The following RAPGEF5 variants were observed in gnomAD, a reference collection of about 807,000 sequenced individuals.
RAPGEF5 encodes Rap guanine nucleotide exchange factor 5.
In RAPGEF5, 65 loss-of-function variants were observed where a neutral mutation model predicts 125.2. That is an observed-to-expected ratio of 0.52 (90% CI 0.43 to 0.64). The LOEUF is 0.64. Ranked by LOEUF, RAPGEF5 falls within the 30% of genes least tolerant of loss-of-function variation. RAPGEF5 has a pLI of 0.00. For synonymous variants in RAPGEF5, 391 were observed against 385.9 expected, an observed-to-expected ratio of 1.01 and a Z score of -0.16; for missense variants, 958 against 1,048.1, an observed-to-expected ratio of 0.91 and a Z score of 1.19.
At chr7:22,293,690 C>T (rs529662908) in intron 5 of RAPGEF5, among the ~76,000 whole-genome samples, 39 of 152,252 alleles carry the variant, frequency 2.6e-4, no homozygotes, top group Admixed American at 1.2e-3. Context: ...CTAACATGCC[C>T]CATGCCCCGC....
intron 6 of RAPGEF5, among the ~76,000 whole-genome samples, 160 bp from the exon 7 acceptor site, chr7:22,267,172 A>G (rs1461347096): frequency 6.6e-6 from 1 of 152,176 alleles, no homozygotes; most frequent in Non-Finnish European, 1.5e-5. Flanking sequence ...TTTTTAGTAC[A>G]TGGAAAAACC....
At chr7:22,201,369 C>T (rs190978418) in intron 9 of RAPGEF5, among the ~76,000 whole-genome samples, 9 of 152,348 alleles carry the variant, frequency 5.9e-5, no homozygotes, top group Non-Finnish European at 2.9e-5. Flanking sequence ...GGTGAGGACT[C>T]GCTGTCCCAG....
intron 9 of RAPGEF5, chr7:22,194,877 C>T (rs1583471469): frequency 1.8e-5 from 9 of 487,286 alleles, no homozygotes; most frequent in African/African-American, 2.1e-5. Flanking sequence ...GCCTCCAACT[C>T]GGAGCCATGA....
chr7:22,332,413 C>T (rs545186262), intron 1 of RAPGEF5, among the ~76,000 whole-genome samples: 38 of 152,270 alleles, frequency 2.5e-4, no homozygotes, highest in Non-Finnish European at 4.4e-5. Flanking sequence ...TTTATTTTTA[C>T]ATATGTACTT....
intron 7 of RAPGEF5, among the ~76,000 whole-genome samples, chr7:22,247,335 G>A (rs1049492306): frequency 2.0e-5 from 3 of 152,154 alleles, no homozygotes; most frequent in Non-Finnish European, 2.9e-5. Flanking sequence ...CGGTTTTGCT[G>A]CATCCCCACC....
At chr7:22,319,028 T>G (rs1783660797) in intron 1 of RAPGEF5, among the ~76,000 whole-genome samples, 1 of 152,216 alleles carries the variant, frequency 6.6e-6, no homozygotes, top group South Asian at 2.1e-4. Flanking sequence ...ATGAACTTAA[T>G]ATTATTTGCT....
At chr7:22,248,436 A>C (rs1786534511) in intron 7 of RAPGEF5, among the ~76,000 whole-genome samples, 1 of 152,194 alleles carries the variant, frequency 6.6e-6, no homozygotes, top group Non-Finnish European at 1.5e-5. Context: ...CCCGATGTCC[A>C]AACTTCCAGA....
intron 23 of RAPGEF5, among the ~76,000 whole-genome samples, chr7:22,133,394 A>G (rs900556754): frequency 4.6e-5 from 7 of 152,216 alleles, no homozygotes; most frequent in Admixed American, 6.5e-5. Flanking sequence ...TGGGCTGAAA[A>G]AAACGAAGAT....
chr7:22,122,289 T>G lies in RAPGEF5; in HGVS notation c.*117A>C. On this transcript the variant is annotated 3_prime_UTR_variant, in exon 26 of 26. Transcript: ENST00000665637. ...TTTGGCTGGCTTTCCTGTGAATGTC[T>G]TGGGTTATACTGATAAAACTCAGCA... The G allele has an allele frequency of 1.3e-6, 1 of 785,764 alleles. No homozygotes were observed. The highest frequency in any genetic ancestry group is 2.0e-6 in the Non-Finnish European group (1 of 493,426). The allele number at this position is 785,764 out of a possible 1,614,324, so 48.7% of individuals were successfully genotyped here. A position where few individuals can be genotyped will look rare whatever the true frequency, so the allele number is the denominator to read the frequency against.
At chr7:22,149,144 G>T (rs1233520531) in intron 18 of RAPGEF5, among the ~76,000 whole-genome samples, 1 of 152,178 alleles carries the variant, frequency 6.6e-6, no homozygotes, top group African/African-American at 2.4e-5. Context: ...CTCTCGTGGG[G>T]TTACTGGAAG....
At position 22,193,919 on chromosome 7, in the gene RAPGEF5, A is replaced by G. The variant is rs1191723905; in HGVS notation, c.1111T>C (p.Trp371Arg). The change falls in exon 10 of 26, where the codon TGG becomes CGG. Residue 371 changes from tryptophan (W) to arginine (R), a missense_variant. Physicochemically the swap from Trp to Arg is moderately radical, Grantham distance 101. Coordinates refer to ENST00000665637, the MANE Select transcript of RAPGEF5 (RefSeq NM_012294.5). ...APTAGSAESH[W>R]RYVVVSGTPE... The stretch of plus-strand genomic sequence containing the variant: ...TGGCTGCAGGGAAACTCTCACCTCC[A>G]ATGGCTCTCCGCACTCCCAGCTGTG... The G allele has an allele frequency of 6.2e-7, 1 of 1,613,566 alleles. No individual in the cohort carries two copies. Among genetic ancestry groups the G allele is most frequent in the Non-Finnish European group, 8.5e-7 (1 of 1,179,802 alleles).
At chr7:22,238,984 A>T (rs570996660) in intron 7 of RAPGEF5, among the ~76,000 whole-genome samples, 1 of 152,348 alleles carries the variant, frequency 6.6e-6, no homozygotes, top group South Asian at 2.1e-4. Context: ...ACAAACAAAA[A>T]AAAGCAGGAG....
chr7:22,156,882 C>T lies in RAPGEF5; in HGVS notation c.1564G>A (p.Ala522Thr), dbSNP rs1562725110. Residue 522 changes from alanine (A) to threonine (T), a missense_variant, in exon 16 of 26, where the codon GCC becomes ACC. Ala to Thr is a moderately conservative substitution (Grantham distance 58). Transcript: ENST00000665637. ...DEYSPQKKNK[A>T]LFHQFSLKEN... ...TTAAGACTGAATTGGTGGAAAAGGGCTTTATTCTGTGAGATGGGAGAAAGA... is the reference window on the plus strand; with the variant it reads ...TTAAGACTGAATTGGTGGAAAAGGGTTTTATTCTGTGAGATGGGAGAAAGA... The T allele has an allele frequency of 6.2e-7, 1 of 1,613,886 alleles. No homozygotes were observed. The highest frequency in any genetic ancestry group is 8.5e-7 in the Non-Finnish European group (1 of 1,179,836).
intron 7 of RAPGEF5, among the ~76,000 whole-genome samples, chr7:22,241,080 T>A (rs1583509169): frequency 6.6e-6 from 1 of 152,220 alleles, no homozygotes; most frequent in East Asian, 1.9e-4. Context: ...GTCTTTTGAT[T>A]TGCTTTTCAC....
At chr7:22,311,159 A>C (rs1010626006) in intron 3 of RAPGEF5, among the ~76,000 whole-genome samples, 1 of 152,026 alleles carries the variant, frequency 6.6e-6, no homozygotes, top group Non-Finnish European at 1.5e-5. Context: ...CTGAGTAGCT[A>C]GGAGTACAGG....
At position 22,283,372 on chromosome 7, in the gene RAPGEF5, A is replaced by C. The variant is rs568502525; in HGVS notation, c.747+7803T>G. 4.3e-4 allele frequency among the ~76,000 whole-genome samples: 66 copies of C among 152,302 alleles called. No individual in the cohort carries two copies. The East Asian group carries it at 0.013, about 29-fold the overall frequency. ...ATAAAATAACAGAAACTAATTTAAA[A>C]TTTGTCTTATTCCATCACCACCAAA... On this transcript the variant is annotated intron_variant, in intron 6 of 25. Coordinates refer to ENST00000665637, the MANE Select transcript of RAPGEF5 (RefSeq NM_012294.5).
At chr7:22,188,764 CA>C (rs1180031530) in intron 11 of RAPGEF5, among the ~76,000 whole-genome samples, 559 of 51,902 alleles carry the variant, frequency 0.011, 1 homozygote, top group Middle Eastern at 0.022. Flanking sequence ...GACTCCGTCT[CA>C]AAAAAAAAAA....
intron 1 of RAPGEF5, among the ~76,000 whole-genome samples, chr7:22,339,014 A>G (rs889900866): frequency 6.6e-6 from 1 of 152,236 alleles, no homozygotes; most frequent in African/African-American, 2.4e-5. Context: ...ATAAGATCTC[A>G]GGAGGTGGGT....
intron 6 of RAPGEF5, 50 bp downstream of exon 6, chr7:22,291,125 C>G (rs1481800942): frequency 4.6e-6 from 7 of 1,518,392 alleles, no homozygotes; most frequent in South Asian, 2.6e-5. Context: ...TTCTAGGACC[C>G]CAGCTTCATT....
Sources: gnomAD v4.1 joint callset for allele counts (sites outside exome capture counted in the v4.1 genomes callset) on GRCh38, gnomAD v4.1.1 for gene constraint, MANE v1.5 for transcripts, NCBI Gene and HGNC (gene_info 2026-07-23, HGNC 2026-07-21) for gene names.